TMEM181: variants seen among roughly 807,000 people sequenced by gnomAD.
The protein encoded by TMEM181 is G protein-coupled receptor 178.
Under a neutral mutation model 71.9 loss-of-function variants are expected in TMEM181, and 39 were observed. The ratio of observed to expected loss-of-function variants is 0.54; its 90% CI spans 0.42 to 0.71. The LOEUF (loss-of-function observed/expected upper bound fraction) is 0.71. Among genes scored for constraint, TMEM181 ranks in the 30% least tolerant of loss-of-function variants. TMEM181 has a pLI of 0.00. For missense variants in TMEM181, 595 were observed against 583.0 expected (o/e 1.02, Z -0.21); for synonymous variants, 245 against 228.8 (o/e 1.07, Z -0.64).
intron 13 of TMEM181, among the ~76,000 whole-genome samples, chr6:158,626,159 A>T (rs1311471616): frequency 6.6e-6 from 1 of 152,154 alleles, no homozygotes; most frequent in Non-Finnish European, 1.5e-5. Context: ...CATTGCTGCC[A>T]TTGGGGGAGA....
chr6:158,541,108 A>C (rs1207836220), intron 1 of TMEM181, among the ~76,000 whole-genome samples: 1 of 152,008 alleles, frequency 6.6e-6, no homozygotes. Context: ...GAGAGCCATG[A>C]GGGGTGAGTG....
chr6:158,538,271 AC>A (rs1389059308), intron 1 of TMEM181, among the ~76,000 whole-genome samples: 2 of 151,164 alleles, frequency 1.3e-5, no homozygotes, highest in Non-Finnish European at 3.0e-5. Context: ...CAATCCTTCT[AC>A]CTCAGCCTCC....
chr6:158,564,613 T>C (rs1158609693), intron 1 of TMEM181, among the ~76,000 whole-genome samples: 1 of 152,252 alleles, frequency 6.6e-6, no homozygotes, highest in Non-Finnish European at 1.5e-5. Context: ...GGCTGAGTTC[T>C]TGCCACGCTG....
At chr6:158,578,977 G>A (rs567747410) in intron 2 of TMEM181, among the ~76,000 whole-genome samples, 1 of 152,350 alleles carries the variant, frequency 6.6e-6, no homozygotes, top group East Asian at 1.9e-4. Context: ...GCAGGGTCTT[G>A]GCCGGGCATG....
At chr6:158,575,931 G>T (rs1013168418) in intron 2 of TMEM181, among the ~76,000 whole-genome samples, 4 of 152,214 alleles carry the variant, frequency 2.6e-5, no homozygotes, top group Non-Finnish European at 5.9e-5. Flanking sequence ...AACAAATCTA[G>T]TTCTAAATTA....
upstream of TMEM181, among the ~76,000 whole-genome samples, chr6:158,559,240 G>A (rs914590121): frequency 2.0e-5 from 3 of 152,162 alleles, no homozygotes; most frequent in African/African-American, 7.2e-5. Context: ...CCTGAGCTAA[G>A]GCTACCTAAC....
intron 14 of TMEM181, among the ~76,000 whole-genome samples, 166 bp from the exon 15 acceptor site, chr6:158,629,564 G>A (rs1258581913): frequency 3.3e-5 from 5 of 151,726 alleles, no homozygotes; most frequent in African/African-American, 1.2e-4. Context: ...ACCCCTGGCT[G>A]TGGGCTTGAA....
chr6:158,607,471 A>G, intron 8 of TMEM181, 128 bp downstream of exon 8: 1 of 776,906 alleles, frequency 1.3e-6, no homozygotes, highest in African/African-American at 1.7e-5. Context: ...TGAAGCCAGG[A>G]GTTTAACACC....
At chr6:158,614,992 G>A (rs991900260) in intron 10 of TMEM181, among the ~76,000 whole-genome samples, 1 of 152,068 alleles carries the variant, frequency 6.6e-6, no homozygotes, top group Non-Finnish European at 1.5e-5. Flanking sequence ...TCATCCTTTG[G>A]GTATATATCC....
In TMEM181 at chr6:158,589,792, C is replaced by T. The variant is rs1004699950; in HGVS notation, c.492+10C>T. ...GGGAATGAACTTCACAGTAAGTATA[C>T]CAGCTGACTGCACGTTTCCATGGCT... On this transcript the variant is annotated intron_variant, in intron 6 of 16. Coordinates refer to ENST00000684151, the MANE Select transcript of TMEM181 (RefSeq NM_001376852.1). 3.2e-6 allele frequency: 5 copies of T among 1,572,608 alleles called. No homozygotes were observed. The African/African-American group carries it at 6.8e-5, about 21-fold the overall frequency.
intron 1 of TMEM181, chr6:158,572,476 G>A: frequency 2.2e-6 from 1 of 456,650 alleles, no homozygotes; most frequent in Non-Finnish European, 4.4e-6. Flanking sequence ...CTGGTCTGTG[G>A]GTCTCCTCCT....
intron 6 of TMEM181, among the ~76,000 whole-genome samples, chr6:158,597,750 C>G (rs1167039706): frequency 6.6e-6 from 1 of 152,124 alleles, no homozygotes; most frequent in Non-Finnish European, 1.5e-5. Flanking sequence ...AAGCAGTCCT[C>G]CCTCCTTGGC....
chr6:158,611,137 G>T (rs1785279905), intron 10 of TMEM181: 2 of 527,528 alleles, frequency 3.8e-6, no homozygotes, highest in East Asian at 1.0e-4. Context: ...TCTCCTGAGG[G>T]TCTGTGACTA....
intron 8 of TMEM181, among the ~76,000 whole-genome samples, chr6:158,607,985 G>A (rs1785048576): frequency 6.6e-6 from 1 of 152,258 alleles, no homozygotes; most frequent in Admixed American, 6.5e-5. Flanking sequence ...CCAGGCTCCG[G>A]GAGGAGCTGA....
At chr6:158,544,559 C>T (rs997422240) in intron 1 of TMEM181, among the ~76,000 whole-genome samples, 1 of 152,138 alleles carries the variant, frequency 6.6e-6, no homozygotes, top group Admixed American at 6.5e-5. Context: ...AGGGACGGGG[C>T]GCTCATTTCC....
At chr6:158,581,951 T>A (rs1203131691) in intron 3 of TMEM181, among the ~76,000 whole-genome samples, 1 of 152,072 alleles carries the variant, frequency 6.6e-6, no homozygotes, top group African/African-American at 2.4e-5. Flanking sequence ...CGAGGCACCA[T>A]GATATATATA....
At chr6:158,590,785 C>T (rs774250903) in intron 6 of TMEM181, among the ~76,000 whole-genome samples, 3 of 152,198 alleles carry the variant, frequency 2.0e-5, no homozygotes, top group African/African-American at 4.8e-5. Context: ...TTAGCACAGT[C>T]GTGGAGCTGT....
In TMEM181 at chr6:158,585,158, G is replaced by T. The variant is rs554045293; in HGVS notation, c.260-146G>T. Reference sequence around the variant, plus strand: ...GGCTTTTACTTTGCTGGGCAATTAAGAGATTTTCAAATGTGCTGAGGCCAA... The same window carrying T: ...GGCTTTTACTTTGCTGGGCAATTAATAGATTTTCAAATGTGCTGAGGCCAA... On this transcript the variant is annotated intron_variant, in intron 4 of 16. Transcript: ENST00000684151. 3.2e-5 allele frequency: 25 copies of T among 779,062 alleles called. No homozygotes were observed. The African/African-American group carries it at 3.5e-4, about 11-fold the overall frequency. 48.3% of individuals were successfully genotyped at this position (779,062 alleles called of 1,614,324 possible).
chr6:158,581,196 C>G (rs559743092), intron 3 of TMEM181, among the ~76,000 whole-genome samples: 1 of 152,344 alleles, frequency 6.6e-6, no homozygotes, highest in African/African-American at 2.4e-5. Flanking sequence ...GTAATAAACA[C>G]CTCAGTACTT....
Sources: gnomAD v4.1 joint callset for allele counts (sites outside exome capture counted in the v4.1 genomes callset) on GRCh38, gnomAD v4.1.1 for gene constraint, MANE v1.5 for transcripts, NCBI Gene and HGNC (gene_info 2026-07-23, HGNC 2026-07-21) for gene names.